The following PPARG variants were observed in gnomAD, a reference collection of about 807,000 sequenced individuals.
PPARG encodes peroxisome proliferator-activated receptor gamma.
In PPARG, 17 loss-of-function variants were observed where a neutral mutation model predicts 39.2. The observed-to-expected ratio is 0.43, with a 90% CI of 0.30 to 0.65. The LOEUF (loss-of-function observed/expected upper bound fraction) is 0.65, where lower values mean the gene tolerates loss of function less well. Among genes scored for constraint, PPARG ranks in the 30% least tolerant of loss-of-function variants. The pLI is 0.13. For missense variants in PPARG, 406 were observed against 585.9 expected, an observed-to-expected ratio of 0.69 and a Z score of 3.17; for synonymous variants, 223 against 215.7, an observed-to-expected ratio of 1.03 and a Z score of -0.30.
At chr3:12,362,514 G>T (rs909602580) in intron 2 of PPARG, among the ~76,000 whole-genome samples, 6 of 148,774 alleles carry the variant, frequency 4.0e-5, no homozygotes, top group East Asian at 2.0e-4. Flanking sequence ...GTGAGACTTC[G>T]TCTCAAAAAT....
Position 12,354,753 on chromosome 3 carries a change from C to CAA in PPARG, c.-8-24934_-8-24933dup, listed in dbSNP as rs71063823. 4.9e-3 allele frequency among the ~76,000 whole-genome samples: 574 copies of CAA among 116,178 alleles called. 2 individuals carry two copies. Among genetic ancestry groups the CAA allele is most frequent in the African/African-American group, 0.018 (544 of 30,176 alleles). The allele number at this position is 116,178 out of a possible 152,430, so 76.2% of individuals were successfully genotyped here. On this transcript the variant is annotated intron_variant, in intron 2 of 7. Coordinates refer to ENST00000651735, the MANE Select transcript of PPARG (RefSeq NM_138711.6). ...TGGGCGACAGAGCGAGACTCCATCT[C>CAA]AAAAAAAAAAAAAAAAAAGAAAAGA...
chr3:12,420,567 G>C (rs891392598), intron 7 of PPARG, among the ~76,000 whole-genome samples: 1 of 152,196 alleles, frequency 6.6e-6, no homozygotes, highest in Non-Finnish European at 1.5e-5. Flanking sequence ...TTCAGCAAAG[G>C]CTCTTAGGGC....
At position 12,406,033 on chromosome 3, in the gene PPARG, C is replaced by CA; in HGVS notation, c.684dup (p.Ala229SerfsTer21). On this transcript the variant is annotated frameshift_variant, in exon 6 of 8. Coordinates refer to ENST00000651735, the MANE Select transcript of PPARG (RefSeq NM_138711.6). LOFTEE classifies it high-confidence loss of function. ...CATACATAAAGTCCTTCCCGCTGAC[C>CA]AAAGCAAAGGCGAGGGCGATCTTGA... 6.2e-7 allele frequency: 1 copy of CA among 1,614,132 alleles called. No homozygotes were observed. Among genetic ancestry groups the CA allele is most frequent in the Admixed American group, 1.7e-5 (1 of 60,016 alleles).
intron 2 of PPARG, among the ~76,000 whole-genome samples, chr3:12,379,151 C>T (rs554896871): frequency 5.9e-5 from 9 of 151,918 alleles, no homozygotes; most frequent in East Asian, 1.9e-4. Flanking sequence ...GGATTACAGG[C>T]GTGCTACCAC....
chr3:12,305,573 C>T (rs965116122), intron 1 of PPARG, among the ~76,000 whole-genome samples: 8 of 152,284 alleles, frequency 5.3e-5, no homozygotes, highest in Admixed American at 3.3e-4. Flanking sequence ...TTTTATTACA[C>T]TTTCATATGT....
At chr3:12,415,073 C>T (rs1255886058) in intron 6 of PPARG, among the ~76,000 whole-genome samples, 1 of 152,134 alleles carries the variant, frequency 6.6e-6, no homozygotes, top group Non-Finnish European at 1.5e-5. Flanking sequence ...ATCTTGAAGC[C>T]GGCTGCCACG....
chr3:12,412,506 A>AATT (rs2050911448), intron 6 of PPARG, among the ~76,000 whole-genome samples: 1 of 152,226 alleles, frequency 6.6e-6, no homozygotes, highest in African/African-American at 2.4e-5. Context: ...TATCAAAATT[A>AATT]ATTATATTTG....
At chr3:12,287,852 C>G (rs1385637910), upstream of PPARG, 5 of 135,930 alleles carry the variant, frequency 3.7e-5, no homozygotes, top group Admixed American at 1.4e-4. Context: ...CCCCAGCCGG[C>G]GCCCGCGCCC....
At chr3:12,421,329 C>G (rs2051253233) in intron 7 of PPARG, among the ~76,000 whole-genome samples, 1 of 152,224 alleles carries the variant, frequency 6.6e-6, no homozygotes, top group African/African-American at 2.4e-5. Context: ...CCCTTGCACT[C>G]CCTAGTCTTA....
chr3:12,296,490 C>A (rs2046789957), intron 1 of PPARG, among the ~76,000 whole-genome samples: 1 of 152,048 alleles, frequency 6.6e-6, no homozygotes, highest in Non-Finnish European at 1.5e-5. Flanking sequence ...TAGAGTGGGG[C>A]CCATTTGTCA....
intron 4 of PPARG, among the ~76,000 whole-genome samples, chr3:12,392,199 A>G (rs917509736): frequency 1.3e-5 from 2 of 152,236 alleles, no homozygotes; most frequent in South Asian, 4.1e-4. Flanking sequence ...TGAAATGATT[A>G]TAACTTTGCC....
chr3:12,417,470 A>AT (rs1430941634), intron 7 of PPARG, among the ~76,000 whole-genome samples: 4 of 151,814 alleles, frequency 2.6e-5, no homozygotes, highest in African/African-American at 9.7e-5. Flanking sequence ...AGAAAGGAAG[A>AT]TTAGAGGCCA....
chr3:12,316,279 A>C (rs1367420180), intron 2 of PPARG, among the ~76,000 whole-genome samples: 2 of 152,182 alleles, frequency 1.3e-5, no homozygotes, highest in East Asian at 3.8e-4. Context: ...TTCAACCCTG[A>C]ATTTTTTTGC....
chr3:12,350,722 GT>G (rs1429866232), intron 2 of PPARG, among the ~76,000 whole-genome samples: 2 of 152,138 alleles, frequency 1.3e-5, no homozygotes, highest in Non-Finnish European at 2.9e-5. Flanking sequence ...CTGGTGGTGT[GT>G]TATTCTTCTC....
chr3:12,413,841 A>T (rs1050794244), intron 6 of PPARG, among the ~76,000 whole-genome samples: 4 of 151,412 alleles, frequency 2.6e-5, no homozygotes, highest in African/African-American at 9.7e-5. Flanking sequence ...AAAAAAATGA[A>T]ATGGTTTGGC....
intron 2 of PPARG, chr3:12,372,067 G>C: frequency 1.4e-6 from 1 of 720,066 alleles, no homozygotes; most frequent in Non-Finnish European, 2.6e-6. Flanking sequence ...GTCTTTTAAG[G>C]TCATTTCCAA....
intron 2 of PPARG, among the ~76,000 whole-genome samples, chr3:12,353,156 A>G (rs2048541414): frequency 6.6e-6 from 1 of 152,146 alleles, no homozygotes; most frequent in Non-Finnish European, 1.5e-5. Context: ...TCTGAGTTTA[A>G]TTTTTTTGAG....
At chr3:12,425,168 G>A (rs986210078) in intron 7 of PPARG, among the ~76,000 whole-genome samples, 9 of 152,228 alleles carry the variant, frequency 5.9e-5, no homozygotes, top group African/African-American at 2.2e-4. Flanking sequence ...GAAGGGGAGG[G>A]CTTGGAAGTG....
At position 12,394,555 on chromosome 3, in the gene PPARG, A is replaced by G. The variant is rs576422925; in HGVS notation, c.529+1803A>G. 5.9e-5 allele frequency among the ~76,000 whole-genome samples: 9 copies of G among 152,270 alleles called. No homozygotes were observed. In the South Asian group the frequency reaches 1.9e-3, roughly 32 times the overall value. ...TTATTTCTAGAGAGGGTCAATCTTGATAGGGAGTGTTTGTTCAGTTCTAGC... is the reference window on the plus strand; with the variant it reads ...TTATTTCTAGAGAGGGTCAATCTTGGTAGGGAGTGTTTGTTCAGTTCTAGC... On this transcript the variant is annotated intron_variant, in intron 5 of 7. Coordinates refer to ENST00000651735, the MANE Select transcript of PPARG (RefSeq NM_138711.6).
Sources: allele counts gnomAD v4.1 joint callset (sites outside exome capture counted in the v4.1 genomes callset), GRCh38; gene constraint gnomAD v4.1.1; transcripts MANE v1.5; gene names NCBI Gene and HGNC (gene_info 2026-07-23, HGNC 2026-07-21).